Variants in HEPH observed in about 807,000 individuals in gnomAD.
HEPH encodes hephaestin.
A neutral mutation model predicts 80.8 loss-of-function variants in HEPH; 69 were observed. The ratio of observed to expected loss-of-function variants is 0.85; its 90% confidence interval spans 0.70 to 1.04. The LOEUF is 1.04. Among genes scored for constraint, HEPH ranks in the 50% least tolerant of loss-of-function variants. The pLI is 0.00. For synonymous variants in HEPH, 431 were observed against 322.8 expected, an observed-to-expected ratio of 1.34 and a Z score of -3.60; for missense variants, 1,115 against 891.3, an observed-to-expected ratio of 1.25 and a Z score of -3.20.
intron 15 of HEPH, among the ~76,000 whole-genome samples, chrX:66,236,274 T>C (rs2090358297): frequency 9.0e-6 from 1 of 111,532 alleles, no homozygotes; most frequent in Non-Finnish European, 1.9e-5. Flanking sequence ...TCTTATTATT[T>C]TGAGATATGT....
chrX:66,239,374 A>G (rs779631171), intron 15 of HEPH, among the ~76,000 whole-genome samples: 25 of 111,263 alleles, frequency 2.2e-4, no homozygotes, highest in Non-Finnish European at 4.5e-4. Flanking sequence ...TATTCTCAGT[A>G]TCTTCCATTT....
chrX:66,175,762 T>TG (rs59853430), intron 4 of HEPH, among the ~76,000 whole-genome samples: 28 of 111,238 alleles, frequency 2.5e-4, no homozygotes, highest in Non-Finnish European at 4.2e-4. Flanking sequence ...TATGTATGTA[T>TG]TTATTTTTTC....
chrX:66,198,949 C>T lies in HEPH; in HGVS notation c.1785C>T (p.Ala595=), dbSNP rs2088264438. The change falls in exon 11 of 21, where the codon GCC becomes GCT. Residue 595 remains alanine, a synonymous_variant. Transcript: ENST00000343002. ...AGAACAAGAGCTGGTACAGCAATGC[C>T]AATCAAGCAGCTGCTATGTTGGATT... The part of the protein sequence containing the change: ...LDENKSWYSN[A]NQAAAMLDFR... The T allele has an allele frequency of 8.3e-7, 1 of 1,207,144 alleles. No individual in the cohort carries two copies. Among genetic ancestry groups the T allele is most frequent in the Non-Finnish European group, 1.1e-6 (1 of 891,224 alleles).
intron 15 of HEPH, among the ~76,000 whole-genome samples, chrX:66,248,096 T>A (rs1021023406): frequency 4.5e-5 from 5 of 110,586 alleles, no homozygotes; most frequent in Non-Finnish European, 9.5e-5. Flanking sequence ...CTTACCTAAG[T>A]CCTATGGTTA....
chrX:66,205,418 A>G (rs1030831631), intron 13 of HEPH, among the ~76,000 whole-genome samples: 11 of 111,740 alleles, frequency 9.8e-5, no homozygotes, highest in African/African-American at 2.6e-4. Context: ...GCTGAAAAGG[A>G]CATAATTTCA....
intron 15 of HEPH, among the ~76,000 whole-genome samples, chrX:66,222,103 T>G (rs1055825026): frequency 2.7e-5 from 3 of 113,199 alleles, no homozygotes; most frequent in African/African-American, 9.6e-5. Context: ...AAGGGCTGAC[T>G]GATTAGTAAG....
chrX:66,207,223 G>C lies in HEPH; in HGVS notation c.2320G>C (p.Asp774His). 8.3e-7 allele frequency: 1 copy of C among 1,207,286 alleles called. No homozygotes were observed. Among genetic ancestry groups the C allele is most frequent in the Non-Finnish European group, 1.1e-6 (1 of 892,961 alleles). ...TGGTTACATTTTCCTGAGCAACAAGGATGGGCTCCTGGGTTCCAGATACAA... is the reference window on the plus strand; with the variant it reads ...TGGTTACATTTTCCTGAGCAACAAGCATGGGCTCCTGGGTTCCAGATACAA... ...SYGYIFLSNK[D>H]GLLGSRYKKA... is the part of the protein sequence containing the mutation. Residue 774 changes from aspartate to histidine, a missense_variant, in exon 14 of 21, where the codon GAT (aspartate) becomes CAT (histidine). Coordinates refer to ENST00000343002, the MANE Select transcript of HEPH (RefSeq NM_001367233.3).
intron 15 of HEPH, among the ~76,000 whole-genome samples, chrX:66,234,935 C>A (rs1404529800): frequency 5.4e-5 from 6 of 110,887 alleles, no homozygotes; most frequent in African/African-American, 1.3e-4. Flanking sequence ...AGGCGTGAAC[C>A]ACCACACCTG....
Position 66,258,843 on chromosome X carries a change from T to C in HEPH, c.2900T>C (p.Ile967Thr). ...TFLESNKMHA[I>T]NGKLYANLRG... ...TTCTTTTCTTTTTTTTTGACAGCAA[T>C]CAATGGGAAACTCTATGCCAACCTT... The change falls in exon 18 of 21, where the codon ATC becomes ACC. Residue 967 changes from isoleucine to threonine, a missense_variant. Around this residue, in one of 3 missense-constraint regions of HEPH, gnomAD observed 716 missense variants for 523.5 expected, o/e 1.37. Coordinates refer to ENST00000343002, the MANE Select transcript of HEPH (RefSeq NM_001367233.3). 1.8e-6 allele frequency: 2 copies of C among 1,140,934 alleles called. No homozygotes were observed. Among genetic ancestry groups the C allele is most frequent in the Non-Finnish European group, 1.2e-6 (1 of 863,271 alleles). The allele number at this position is 1,140,934 out of a possible 1,213,427, so 94.0% of individuals were successfully genotyped here.
chrX:66,263,625 C>T lies in HEPH; in HGVS notation c.3200-19C>T, dbSNP rs377561524. The T allele has an allele frequency of 1.5e-4, 179 of 1,206,685 alleles. No homozygotes were observed. In the Middle Eastern group the frequency reaches 3.5e-3, roughly 23 times the overall value. ...AAGAACAATAAGGCTAACCTCTTGT[C>T]TTTTTTCCCCCCAACCAGAACACTT... is the stretch of plus-strand genomic sequence containing the variant. On this transcript the variant is annotated intron_variant, in intron 19 of 20. Coordinates refer to ENST00000343002, the MANE Select transcript of HEPH (RefSeq NM_001367233.3).
chrX:66,223,183 C>G (rs1447031168), intron 15 of HEPH, among the ~76,000 whole-genome samples: 2 of 110,646 alleles, frequency 1.8e-5, no homozygotes, highest in African/African-American at 6.6e-5. Flanking sequence ...AGTGGTGGTA[C>G]CTGTGCTAAA....
intron 11 of HEPH, 31 bp downstream of exon 11, chrX:66,199,059 T>C (rs747254613): frequency 8.5e-7 from 1 of 1,178,835 alleles, no homozygotes; most frequent in South Asian, 1.8e-5. Flanking sequence ...CTGGGCTAAA[T>C]TGAGGGTCCC....
intron 17 of HEPH, 97 bp from the exon 18 acceptor site, chrX:66,258,743 A>T (rs1569414803): frequency 1.5e-6 from 1 of 682,821 alleles, no homozygotes; most frequent in African/African-American, 2.3e-5. Context: ...TCTTCGGTAA[A>T]AAAGATTAGG....
At chrX:66,222,325 G>A (rs1467675067) in intron 15 of HEPH, among the ~76,000 whole-genome samples, 1 of 112,356 alleles carries the variant, frequency 8.9e-6, no homozygotes, top group Non-Finnish European at 1.9e-5. Context: ...CTGGAAAAGG[G>A]TTACCATGCA....
At chrX:66,192,386 T>C in intron 7 of HEPH, 88 bp downstream of exon 7, 2 of 941,367 alleles carry the variant, frequency 2.1e-6, no homozygotes, top group Admixed American at 5.7e-5. Flanking sequence ...TCTCTCACTT[T>C]ACTCAGGGAT....
intron 15 of HEPH, among the ~76,000 whole-genome samples, chrX:66,248,829 C>G (rs2090907311): frequency 1.8e-5 from 2 of 111,802 alleles, no homozygotes; most frequent in South Asian, 7.5e-4. Flanking sequence ...TCTGTGCTTT[C>G]AGGTTTCCAC....
intron 14 of HEPH, among the ~76,000 whole-genome samples, 191 bp from the exon 15 acceptor site, chrX:66,207,924 G>A (rs1210263641): frequency 1.8e-5 from 2 of 111,027 alleles, no homozygotes; most frequent in Non-Finnish European, 3.8e-5. Context: ...CATCCTGTGG[G>A]TAGTAGTAAC....
chrX:66,203,958 G>A (rs1474016363), intron 13 of HEPH, among the ~76,000 whole-genome samples: 1 of 112,453 alleles, frequency 8.9e-6, no homozygotes, highest in Non-Finnish European at 1.9e-5. Context: ...AGCAGAAAAT[G>A]TCTAAAACAG....
chrX:66,201,092 TG>T (rs2088422402), intron 12 of HEPH, among the ~76,000 whole-genome samples: 1 of 111,057 alleles, frequency 9.0e-6, no homozygotes. Flanking sequence ...GTACTTTTAT[TG>T]GGAGGAAGGT....
Sources: allele counts gnomAD v4.1 joint callset (sites outside exome capture counted in the v4.1 genomes callset), GRCh38; gene constraint gnomAD v4.1.1; regional missense constraint gnomAD v4.1.1; transcripts MANE v1.5; gene names NCBI Gene and HGNC (gene_info 2026-07-23, HGNC 2026-07-21).